TMEM63B: variants seen among roughly 807,000 people sequenced by gnomAD.
TMEM63B encodes the protein mechanosensitive cation channel TMEM63B.
In TMEM63B, 23 loss-of-function variants were observed where a neutral mutation model predicts 102.6. The ratio of observed to expected loss-of-function variants is 0.22; its 90% CI spans 0.16 to 0.32. The LOEUF (loss-of-function observed/expected upper bound fraction) is 0.32. TMEM63B is among the 10% of genes least tolerant of loss of function. The pLI, the probability that TMEM63B is intolerant of heterozygous loss-of-function variation, is 1.00. For synonymous variants in TMEM63B, 444 were observed against 437.0 expected (o/e 1.02, Z -0.20); for missense variants, 628 against 1,095.9 (o/e 0.57, Z 6.03).
At position 44,139,356 on chromosome 6, in the gene TMEM63B, A is replaced by G. The variant is rs556919294; in HGVS notation, c.408-111A>G. On this transcript the variant is annotated intron_variant, in intron 6 of 23. Transcript: ENST00000323267. ...TTCAGCCCTATACTACTGCCAGATC[A>G]GCTGGAGCTAGGGTGGGTTTGGGGT... The G allele has an allele frequency of 4.5e-6, 6 of 1,336,850 alleles. No individual in the cohort carries two copies. In the East Asian group the frequency reaches 1.4e-4, roughly 32 times the overall value. The allele number at this position is 1,336,850 out of a possible 1,614,324, so 82.8% of individuals were successfully genotyped here.
intron 1 of TMEM63B, among the ~76,000 whole-genome samples, chr6:44,130,956 C>T (rs918466562): frequency 2.0e-5 from 3 of 149,186 alleles, no homozygotes; most frequent in African/African-American, 5.0e-5. Flanking sequence ...CTCACTCTGT[C>T]GCCCAGGCTG....
At chr6:44,140,407 C>A in intron 9 of TMEM63B, 47 bp downstream of exon 9, 1 of 1,486,448 alleles carries the variant, frequency 6.7e-7, no homozygotes, top group South Asian at 1.1e-5. Flanking sequence ...AGCCTCTTCC[C>A]TTCCCTTCCC....
At chr6:44,140,559 C>G (rs755635221) in intron 9 of TMEM63B, 199 bp downstream of exon 9, 6 of 676,202 alleles carry the variant, frequency 8.9e-6, no homozygotes, top group Non-Finnish European at 1.6e-5. Flanking sequence ...AACAACAGTA[C>G]CTCCCCCAAG....
intron 1 of TMEM63B, chr6:44,132,377 C>G: frequency 1.0e-6 from 1 of 970,090 alleles, no homozygotes; most frequent in Non-Finnish European, 1.2e-6. Flanking sequence ...CTCTACCTTT[C>G]TTTGGTGTGG....
At chr6:44,139,826 G>A in intron 8 of TMEM63B, 67 bp downstream of exon 8, 1 of 1,600,402 alleles carries the variant, frequency 6.2e-7, no homozygotes, top group Non-Finnish European at 8.6e-7. Flanking sequence ...ATGTGGGACA[G>A]GGAGGAAAGG....
rs775072250 is a variant in TMEM63B at position 44,148,850 on chromosome 6, G to A, written c.1318G>A (p.Val440Ile). ...WWLRCLVINV[V>I]LFILLFFLTT... ...GCTGCGCTGCCTGGTCATCAATGTC[G>A]TCCTCTTCATCCTCCTCTTCTTCCT... is the stretch of plus-strand genomic sequence containing the variant. Residue 440 changes from valine to isoleucine, a missense_variant, in exon 15 of 24, where the codon GTC becomes ATC. Val to Ile is a conservative substitution (Grantham distance 29). Transcript: ENST00000323267. The surrounding 1 kb of genome is among the most constrained non-coding windows in gnomAD (Gnocchi z 5.1). 70 of 1,613,938 alleles carry A rather than the reference G, an allele frequency of 4.3e-5. No homozygotes were observed. The highest frequency in any genetic ancestry group is 3.2e-4 in the African/African-American group (24 of 74,858).
Position 44,148,976 on chromosome 6 carries a change from G to A in TMEM63B, c.1413+31G>A, listed in dbSNP as rs975000365. ...GCCTCATGCCCCTGTCACTTTCCAC[G>A]CTGGGTCACAACACACAGATACCAG... On this transcript the variant is annotated intron_variant, in intron 15 of 23. Coordinates refer to ENST00000323267, the MANE Select transcript of TMEM63B (RefSeq NM_018426.3). The surrounding 1 kb of genome is among the most constrained non-coding windows in gnomAD (Gnocchi z 5.1). The A allele has an allele frequency of 4.7e-5, 76 of 1,613,580 alleles. No homozygotes were observed. The highest frequency in any genetic ancestry group is 7.7e-5 in the South Asian group (7 of 91,066).
chr6:44,144,349 G>C (rs1049892161), intron 10 of TMEM63B, among the ~76,000 whole-genome samples: 13 of 152,164 alleles, frequency 8.5e-5, no homozygotes, highest in Non-Finnish European at 1.8e-4. Context: ...GGCCTGTGTG[G>C]TTGGATTTAG....
intron 12 of TMEM63B, 73 bp downstream of exon 12, chr6:44,147,573 C>T: frequency 5.7e-6 from 9 of 1,566,236 alleles, no homozygotes; most frequent in Non-Finnish European, 6.9e-6. Flanking sequence ...GGGCCCTGCC[C>T]TCAGTGAGTC....
At chr6:44,131,859 C>T (rs1313639321) in intron 1 of TMEM63B, among the ~76,000 whole-genome samples, 2 of 152,076 alleles carry the variant, frequency 1.3e-5, no homozygotes, top group Non-Finnish European at 2.9e-5. Context: ...CACACCTCAA[C>T]CAAAACCTCA....
chr6:44,136,917 C>T (rs893046890), intron 5 of TMEM63B, among the ~76,000 whole-genome samples: 7 of 152,162 alleles, frequency 4.6e-5, no homozygotes, highest in Non-Finnish European at 7.4e-5. Context: ...TGGTGGTGGG[C>T]GCCTGTAGTC....
Position 44,132,211 on chromosome 6 carries a change from A to G in TMEM63B, c.-24-2350A>G, listed in dbSNP as rs142109392. The G allele has an allele frequency of 2.3e-4, 224 of 961,630 alleles. 1 individual carries two copies. In the African/African-American group the frequency reaches 3.5e-3, roughly 15 times the overall value. The allele number at this position is 961,630 out of a possible 1,614,324, so 59.6% of individuals were successfully genotyped here. A position where few individuals can be genotyped will look rare whatever the true frequency, so the allele number is the denominator to read the frequency against. On this transcript the variant is annotated intron_variant, in intron 1 of 23. Coordinates refer to ENST00000323267, the MANE Select transcript of TMEM63B (RefSeq NM_018426.3). ...TCTGAGTGTGCCCTGCCTTCCTCCC[A>G]TGCAGGTGGGAAGATTAATGCTGTT...
chr6:44,138,253 A>T, intron 5 of TMEM63B: 1 of 543,136 alleles, frequency 1.8e-6, no homozygotes, highest in East Asian at 3.1e-5. Flanking sequence ...GGGGATTCAC[A>T]GATAAACCTG....
At chr6:44,131,624 C>G (rs555614918) in intron 1 of TMEM63B, among the ~76,000 whole-genome samples, 2 of 152,070 alleles carry the variant, frequency 1.3e-5, no homozygotes, top group African/African-American at 4.8e-5. Flanking sequence ...GAGGCTGAGG[C>G]AGGAGAATCC....
At chr6:44,149,691 T>C (rs1415468549) in intron 15 of TMEM63B, among the ~76,000 whole-genome samples, 168 bp from the exon 16 acceptor site, 1 of 152,204 alleles carries the variant, frequency 6.6e-6, no homozygotes, top group African/African-American at 2.4e-5. Flanking sequence ...GTTATACATA[T>C]GGCCCTGGCC....
intron 10 of TMEM63B, among the ~76,000 whole-genome samples, chr6:44,145,426 C>CA (rs772050735): frequency 0.011 from 1,238 of 116,994 alleles, 8 homozygotes; most frequent in African/African-American, 0.027. Flanking sequence ...ACTAAAAATA[C>CA]AAAAAAAAAA....
intron 5 of TMEM63B, among the ~76,000 whole-genome samples, chr6:44,137,376 G>A (rs989580354): frequency 1.3e-5 from 2 of 152,302 alleles, no homozygotes; most frequent in Admixed American, 6.5e-5. Flanking sequence ...TGGGCTGCAA[G>A]TCCTAGGGGT....
In TMEM63B at chr6:44,139,670, G is replaced by C. The variant is rs201583875; in HGVS notation, c.551-38G>C. On this transcript the variant is annotated intron_variant, in intron 7 of 23. Transcript: ENST00000323267. Reference sequence around the variant, plus strand: ...GATGGGGCTGGAGGGGATGTGCCCTGACCCCACCATCATCCTCTCCCTCTT... The same window carrying C: ...GATGGGGCTGGAGGGGATGTGCCCTCACCCCACCATCATCCTCTCCCTCTT... The C allele has an allele frequency of 3.4e-4, 543 of 1,614,106 alleles. 4 individuals are homozygous for C. The South Asian group carries it at 3.6e-3, about 11-fold the overall frequency.
chr6:44,129,642 C>A (rs1434727428), intron 1 of TMEM63B, among the ~76,000 whole-genome samples: 3 of 152,124 alleles, frequency 2.0e-5, no homozygotes, highest in Non-Finnish European at 2.9e-5. Context: ...ACAGTGTAAA[C>A]CCTTAGGTCT....
Sources: gnomAD v4.1 joint callset for allele counts (sites outside exome capture counted in the v4.1 genomes callset) on GRCh38, gnomAD v4.1.1 for gene constraint, Gnocchi (gnomAD v3.1) non-coding constraint, MANE v1.5 for transcripts, NCBI Gene and HGNC (gene_info 2026-07-23, HGNC 2026-07-21) for gene names.